SORCS3: variants seen among roughly 807,000 people sequenced by gnomAD.
SORCS3 encodes sortilin related VPS10 domain containing receptor 3, also known as VPS10 domain-containing receptor SorCS3.
In SORCS3, 57 loss-of-function variants were observed where a neutral mutation model predicts 146.3. The observed-to-expected ratio is 0.39, with a 90% confidence interval of 0.31 to 0.49. The LOEUF is 0.49. SORCS3 is among the 20% of genes least tolerant of loss of function. The pLI, the probability that SORCS3 is intolerant of heterozygous loss-of-function variation, is 0.92. For synonymous variants in SORCS3, 653 were observed against 618.5 expected, an observed-to-expected ratio of 1.06 and a Z score of -0.83; for missense variants, 1,341 against 1,575.5, an observed-to-expected ratio of 0.85 and a Z score of 2.52.
chr10:104,751,085 G>A (rs2133468577), intron 1 of SORCS3, among the ~76,000 whole-genome samples: 1 of 152,252 alleles, frequency 6.6e-6, no homozygotes, highest in Non-Finnish European at 1.5e-5. Context: ...GCAAAAAAGA[G>A]ACATTATAGC....
intron 4 of SORCS3, among the ~76,000 whole-genome samples, chr10:105,004,610 G>GT (rs1023883545): frequency 2.0e-5 from 3 of 152,062 alleles, no homozygotes; most frequent in African/African-American, 7.2e-5. Flanking sequence ...GTTTGTTTTT[G>GT]TTTTTGGTTG....
chr10:105,146,413 T>C (rs1284782423), intron 8 of SORCS3, among the ~76,000 whole-genome samples: 1 of 151,942 alleles, frequency 6.6e-6, no homozygotes, highest in Non-Finnish European at 1.5e-5. Context: ...GGATTAAAAC[T>C]AAAGTGATGT....
At chr10:104,745,884 T>C (rs929348313) in intron 1 of SORCS3, among the ~76,000 whole-genome samples, 12 of 152,348 alleles carry the variant, frequency 7.9e-5, no homozygotes, top group African/African-American at 2.9e-4. Flanking sequence ...CTCCAGGTTC[T>C]TGTATGTTGT....
At chr10:104,736,942 C>A (rs1020929985) in intron 1 of SORCS3, among the ~76,000 whole-genome samples, 3 of 152,108 alleles carry the variant, frequency 2.0e-5, no homozygotes, top group Non-Finnish European at 4.4e-5. Flanking sequence ...TCCCCCACCC[C>A]ACAACAGTCC....
intron 1 of SORCS3, among the ~76,000 whole-genome samples, chr10:104,820,299 G>A (rs1192873191): frequency 6.6e-6 from 1 of 151,994 alleles, no homozygotes; most frequent in Non-Finnish European, 1.5e-5. Flanking sequence ...TTGTTGCAAG[G>A]GTTAAATGAG....
chr10:104,780,227 G>C (rs2017359252), intron 1 of SORCS3, among the ~76,000 whole-genome samples: 1 of 151,796 alleles, frequency 6.6e-6, no homozygotes, highest in South Asian at 2.1e-4. Context: ...AGGAGAACTA[G>C]CACGCCACAC....
chr10:104,939,523 A>G (rs551876271), intron 3 of SORCS3, among the ~76,000 whole-genome samples: 4 of 110,594 alleles, frequency 3.6e-5, no homozygotes, highest in African/African-American at 2.9e-4. Flanking sequence ...AGTCCTTTTA[A>G]GAGAACGTCC....
intron 3 of SORCS3, among the ~76,000 whole-genome samples, chr10:104,943,804 C>G (rs190461015): frequency 5.9e-5 from 9 of 152,220 alleles, no homozygotes; most frequent in Admixed American, 5.2e-4. Flanking sequence ...AGACATAAGA[C>G]TTATTTAAAG....
At chr10:105,013,982 GACACACAC>G (rs71952036) in intron 4 of SORCS3, among the ~76,000 whole-genome samples, 4 of 144,714 alleles carry the variant, frequency 2.8e-5, no homozygotes, top group Middle Eastern at 3.6e-3. Flanking sequence ...CAGACACACA[GACACACAC>G]ACACACACAC....
At chr10:105,081,443 G>C (rs2055624777) in intron 5 of SORCS3, among the ~76,000 whole-genome samples, 2 of 152,296 alleles carry the variant, frequency 1.3e-5, no homozygotes, top group South Asian at 4.2e-4. Context: ...TTGGTTTCTG[G>C]TCTATGGCAT....
chr10:105,052,564 C>T (rs979006333), intron 5 of SORCS3, among the ~76,000 whole-genome samples: 8 of 152,006 alleles, frequency 5.3e-5, no homozygotes, highest in Admixed American at 2.6e-4. Context: ...GGTGGTGGGT[C>T]AGAAAAACCC....
At chr10:105,236,579 C>A (rs1235879933) in intron 20 of SORCS3, among the ~76,000 whole-genome samples, 1 of 152,052 alleles carries the variant, frequency 6.6e-6, no homozygotes, top group Non-Finnish European at 1.5e-5. Flanking sequence ...AAGGGCAGTT[C>A]TTGACTGTTA....
At chr10:105,036,849 A>G (rs770587449) in intron 4 of SORCS3, among the ~76,000 whole-genome samples, 7 of 152,190 alleles carry the variant, frequency 4.6e-5, no homozygotes, top group East Asian at 1.9e-4. Flanking sequence ...ATTTTATTTG[A>G]AAGACAAAAG....
At chr10:104,950,766 A>C (rs1176828883) in intron 3 of SORCS3, among the ~76,000 whole-genome samples, 1 of 152,220 alleles carries the variant, frequency 6.6e-6, no homozygotes, top group African/African-American at 2.4e-5. Context: ...CTTCAGAATC[A>C]GCATCTCTGG....
intron 1 of SORCS3, among the ~76,000 whole-genome samples, chr10:104,680,931 A>C (rs1287808234): frequency 6.6e-6 from 1 of 152,220 alleles, no homozygotes; most frequent in Non-Finnish European, 1.5e-5. Context: ...CTTCAGAAGG[A>C]GCAGGAGGCC....
intron 3 of SORCS3, among the ~76,000 whole-genome samples, chr10:104,940,324 T>C (rs2019306638): frequency 7.6e-6 from 1 of 131,200 alleles, no homozygotes; most frequent in African/African-American, 3.2e-5. Context: ...ACATGTGCCA[T>C]GTTGGTGTGC....
At chr10:105,211,387 T>G in intron 17 of SORCS3, 137 bp downstream of exon 17, 1 of 654,852 alleles carries the variant, frequency 1.5e-6, no homozygotes. Flanking sequence ...TGAAGGGAAG[T>G]GAGGAGTTCT....
At chr10:104,722,277 T>C (rs1206346520) in intron 1 of SORCS3, among the ~76,000 whole-genome samples, 2 of 152,198 alleles carry the variant, frequency 1.3e-5, no homozygotes, top group Non-Finnish European at 1.5e-5. Context: ...TGCTGGATTA[T>C]GTTTATTGAT....
At position 105,104,745 on chromosome 10, in the gene SORCS3, G is replaced by T. The variant is rs549161991; in HGVS notation, c.1094-652G>T. Among the ~76,000 whole-genome samples the T allele has an allele frequency of 1.3e-3, 199 of 152,246 alleles. 1 individual carries two copies. The highest frequency in any genetic ancestry group is 2.5e-3 in the Non-Finnish European group (172 of 68,020). On this transcript the variant is annotated intron_variant, in intron 6 of 26. Coordinates refer to ENST00000369701, the MANE Select transcript of SORCS3 (RefSeq NM_014978.3). ...TTTAAACATTGTTCTGTGCAGTATGGCACAAGCCTAATTGGATCATACTAC... is the reference window on the plus strand; with the variant it reads ...TTTAAACATTGTTCTGTGCAGTATGTCACAAGCCTAATTGGATCATACTAC...
Sources: allele counts gnomAD v4.1 joint callset (sites outside exome capture counted in the v4.1 genomes callset), GRCh38; gene constraint gnomAD v4.1.1; transcripts MANE v1.5; gene names NCBI Gene and HGNC (gene_info 2026-07-23, HGNC 2026-07-21).